ABCB1: variants seen among roughly 807,000 people sequenced by gnomAD.
ABCB1 encodes the protein ATP binding cassette subfamily B member 1.
A neutral mutation model predicts 142.0 loss-of-function variants in ABCB1; 69 were observed. The ratio of observed to expected loss-of-function variants is 0.49; its 90% CI spans 0.40 to 0.59. The LOEUF (loss-of-function observed/expected upper bound fraction) is 0.59. ABCB1 is among the 20% of genes least tolerant of loss of function. ABCB1 has a pLI of 0.00. For missense variants in ABCB1, 1,326 were observed against 1,554.7 expected (o/e 0.85, Z 2.47); for synonymous variants, 532 against 539.2 (o/e 0.99, Z 0.18).
intron 6 of ABCB1, 119 bp downstream of exon 6, chr7:87,566,666 T>C: frequency 9.7e-7 from 1 of 1,034,394 alleles, no homozygotes; most frequent in South Asian, 1.4e-5. Context: ...AGAAGGAATT[T>C]TGTCTCATAA....
intron 21 of ABCB1, among the ~76,000 whole-genome samples, chr7:87,524,364 A>C (rs1037250528): frequency 6.6e-6 from 1 of 152,228 alleles, no homozygotes; most frequent in African/African-American, 2.4e-5. Context: ...TAGTCACTTT[A>C]GAAAATCGTA....
intron 5 of ABCB1, among the ~76,000 whole-genome samples, chr7:87,569,927 C>T (rs1056205734): frequency 6.6e-6 from 1 of 152,080 alleles, no homozygotes; most frequent in African/African-American, 2.4e-5. Flanking sequence ...CTCTAATTTC[C>T]TTATATATTA....
In ABCB1 at chr7:87,538,044, G is replaced by A. The variant is rs28381944; in HGVS notation, c.2397+1224C>T. Among the ~76,000 whole-genome samples, 186 of 152,258 alleles carry A rather than the reference G, an allele frequency of 1.2e-3. 1 individual carries two copies. Among genetic ancestry groups the A allele is most frequent in the African/African-American group, 4.3e-3 (180 of 41,544 alleles). Reference sequence around the variant, plus strand: ...AGGAATGTAACTTCCTTGAACACAGGGACCATTCAGGTTTGAATGCCTTAC... The same window carrying A: ...AGGAATGTAACTTCCTTGAACACAGAGACCATTCAGGTTTGAATGCCTTAC... On this transcript the variant is annotated intron_variant, in intron 19 of 27. Transcript: ENST00000622132.
chr7:87,623,497 T>C (rs762704061), intron 1 of ABCB1, among the ~76,000 whole-genome samples: 26 of 152,202 alleles, frequency 1.7e-4, no homozygotes, highest in Non-Finnish European at 2.9e-4. Context: ...CCATACCCTA[T>C]TAATGAGCAC....
chr7:87,687,100 T>G (rs920102416), intron 1 of ABCB1, among the ~76,000 whole-genome samples: 1 of 152,186 alleles, frequency 6.6e-6, no homozygotes, highest in African/African-American at 2.4e-5. Context: ...ATTATACTTA[T>G]TAACATTTGG....
At chr7:87,639,077 C>G (rs559296690) in intron 1 of ABCB1, among the ~76,000 whole-genome samples, 1 of 138,726 alleles carries the variant, frequency 7.2e-6, no homozygotes, top group Non-Finnish European at 1.5e-5. Flanking sequence ...GTGTAAACCC[C>G]GGAGGCGGAG....
At chr7:87,621,476 C>T (rs1236081355) in intron 1 of ABCB1, among the ~76,000 whole-genome samples, 1 of 152,076 alleles carries the variant, frequency 6.6e-6, no homozygotes, top group Non-Finnish European at 1.5e-5. Context: ...CACCAATTGA[C>T]TCTTACACAA....
chr7:87,695,767 T>C (rs1367063870), intron 1 of ABCB1, among the ~76,000 whole-genome samples: 2 of 152,078 alleles, frequency 1.3e-5, no homozygotes, highest in Non-Finnish European at 2.9e-5. Context: ...GAGAACCACT[T>C]TAGAAAAATT....
intron 4 of ABCB1, among the ~76,000 whole-genome samples, chr7:87,580,869 G>C (rs1818476959): frequency 6.6e-6 from 1 of 151,908 alleles, no homozygotes; most frequent in Admixed American, 6.6e-5. Flanking sequence ...TGCTGCTGGT[G>C]GGGGAGGGGA....
At chr7:87,628,747 A>G in intron 1 of ABCB1, 3 of 928,322 alleles carry the variant, frequency 3.2e-6, no homozygotes, top group Non-Finnish European at 4.3e-6. Flanking sequence ...TTGCGGACCG[A>G]GCGAGAACCC....
intron 21 of ABCB1, among the ~76,000 whole-genome samples, chr7:87,528,473 T>C (rs942588464): frequency 2.0e-5 from 3 of 152,178 alleles, no homozygotes; most frequent in Non-Finnish European, 1.5e-5. Flanking sequence ...TTGTTGCAAG[T>C]CTTCAAAAAA....
intron 20 of ABCB1, among the ~76,000 whole-genome samples, chr7:87,532,373 G>A (rs938968845): frequency 1.3e-5 from 2 of 152,156 alleles, no homozygotes; most frequent in African/African-American, 4.8e-5. Flanking sequence ...GGATGCGACA[G>A]GAGGTCAGCA....
At position 87,679,124 on chromosome 7, in the gene ABCB1, G is replaced by A. The variant is rs950575520; in HGVS notation, c.-331+34037C>T. On this transcript the variant is annotated intron_variant, in intron 1 of 28. Transcript: ENST00000265724. ...TTTTTTTTTTTTGAGACAGAGTCCC[G>A]CTCTTTCCCCCAGGCTGGAGTGCAG... Among the ~76,000 whole-genome samples, 194 of 97,156 alleles carry A rather than the reference G, an allele frequency of 2.0e-3. 7 individuals carry two copies. The South Asian group carries it at 0.023, about 12-fold the overall frequency. The allele number at this position is 97,156 out of a possible 152,430, so 63.7% of individuals were successfully genotyped here.
chr7:87,544,837 T>C lies in ABCB1; in HGVS notation c.2050A>G (p.Thr684Ala). 1 of 1,614,076 alleles carries C rather than the reference T, an allele frequency of 6.2e-7. No homozygotes were observed. The highest frequency in any genetic ancestry group is 1.7e-5 in the Admixed American group (1 of 60,030). Residue 684 changes from threonine (T) to alanine (A), a missense_variant, in exon 16 of 28, where the codon ACC becomes GCC. Transcript: ENST00000622132. The part of the protein sequence containing the change: ...GSQAQDRKLS[T>A]KEALDESIPP... ...TCCCTTCATACCAGAGCCTCTTTGG[T>C]ACTAAGCTTTCTGTCTTGGGCTTGT...
intron 1 of ABCB1, among the ~76,000 whole-genome samples, chr7:87,613,679 A>G (rs933210238): frequency 6.6e-6 from 1 of 152,160 alleles, no homozygotes; most frequent in African/African-American, 2.4e-5. Context: ...GATGTCAACA[A>G]TAGATACTGG....
At chr7:87,604,628 A>C (rs1271665401), upstream of ABCB1, among the ~76,000 whole-genome samples, 1 of 152,166 alleles carries the variant, frequency 6.6e-6, no homozygotes, top group East Asian at 1.9e-4. Context: ...CTGCATTGAA[A>C]AAAAAATCCA....
chr7:87,643,687 A>AT (rs879620782), intron 1 of ABCB1, among the ~76,000 whole-genome samples: 2,200 of 141,358 alleles, frequency 0.016, 42 homozygotes, highest in African/African-American at 0.049. Flanking sequence ...TGCTCAGCTG[A>AT]TTTTTTTTTT....
chr7:87,599,254 A>G lies in ABCB1; in HGVS notation c.68+863T>C, dbSNP rs184240913. ...AATGAATCTATTTAGTGAAGTTTTA[A>G]ATATTCTATAAAGGCAGAGCACCAT... On this transcript the variant is annotated intron_variant, in intron 2 of 27. Transcript: ENST00000622132. Among the ~76,000 whole-genome samples the G allele has an allele frequency of 2.8e-3, 430 of 152,334 alleles. 2 individuals are homozygous for G. The highest frequency in any genetic ancestry group is 5.0e-3 in the Non-Finnish European group (338 of 68,022).
At chr7:87,582,941 G>A (rs1295845663) in intron 4 of ABCB1, among the ~76,000 whole-genome samples, 2 of 152,040 alleles carry the variant, frequency 1.3e-5, no homozygotes, top group Non-Finnish European at 2.9e-5. Flanking sequence ...TGAAAGGCAT[G>A]GCTGGTAACC....
Sources: gnomAD v4.1 joint callset for allele counts (sites outside exome capture counted in the v4.1 genomes callset) on GRCh38, gnomAD v4.1.1 for gene constraint, MANE v1.5 for transcripts, NCBI Gene and HGNC (gene_info 2026-07-23, HGNC 2026-07-21) for gene names.